Variants in PTPN3 observed in about 807,000 individuals in gnomAD.
PTPN3 encodes the protein tyrosine-protein phosphatase non-receptor type 3.
Under a neutral mutation model 132.7 loss-of-function variants are expected in PTPN3, and 96 were observed. The observed-to-expected ratio is 0.72, with a 90% CI of 0.61 to 0.86. The LOEUF is 0.86. Among genes scored for constraint, PTPN3 ranks in the 40% least tolerant of loss-of-function variants. The pLI is 0.00. For missense variants in PTPN3, 1,125 were observed against 1,159.6 expected (o/e 0.97, Z 0.43); for synonymous variants, 398 against 429.0 (o/e 0.93, Z 0.89).
chr9:109,464,900 ATAATG>A (rs1264235998), intron 1 of PTPN3, among the ~76,000 whole-genome samples: 1 of 152,216 alleles, frequency 6.6e-6, no homozygotes, highest in Non-Finnish European at 1.5e-5. Flanking sequence ...AGAAGAAAGG[ATAATG>A]GTTACCTTTG....
rs983784860 is a variant in PTPN3, at chr9:109,490,718, G to A, written c.-18+7501C>T. On this transcript the variant is annotated intron_variant, in intron 1 of 25. Transcript: ENST00000374541. ...TGAGCCACTGCACTCCAGCCTGGGC[G>A]ACAGAGCGAGACTCCATCTTGGAAC... 2.6e-5 allele frequency among the ~76,000 whole-genome samples: 4 copies of A among 152,204 alleles called. No individual in the cohort carries two copies. The East Asian group carries it at 5.8e-4, about 22-fold the overall frequency.
chr9:109,443,952 C>A (rs1166462319), intron 7 of PTPN3, among the ~76,000 whole-genome samples: 5 of 152,192 alleles, frequency 3.3e-5, no homozygotes, highest in Non-Finnish European at 7.4e-5. Context: ...GCCCAGCCAC[C>A]TTGCTCTTCA....
chr9:109,420,253 C>T (rs897635718), intron 14 of PTPN3, among the ~76,000 whole-genome samples, 171 bp downstream of exon 14: 2 of 152,106 alleles, frequency 1.3e-5, no homozygotes, highest in Admixed American at 6.5e-5. Context: ...GACCGTCTTC[C>T]GGGTGAAAAG....
Position 109,454,539 on chromosome 9 carries a change from A to G in PTPN3, c.325T>C (p.Phe109Leu). The G allele has an allele frequency of 1.2e-6, 2 of 1,613,702 alleles. No homozygotes were observed. The highest frequency in any genetic ancestry group is 8.5e-7 in the Non-Finnish European group (1 of 1,179,952). Residue 109 changes from phenylalanine (F) to leucine (L), a missense_variant, in exon 5 of 26, where the codon TTT becomes CTT. Transcript: ENST00000374541. Reference sequence around the variant, plus strand: ...AGTGTGTTGGGATCAGGTATAAAAAATCTTACTCGAAAATGCAGGGTACAG... The same window carrying G: ...AGTGTGTTGGGATCAGGTATAAAAAGTCTTACTCGAAAATGCAGGGTACAG... Reference protein sequence around the residue: ...FPCTLHFRVRFFIPDPNTLQQ... With the variant: ...FPCTLHFRVRLFIPDPNTLQQ...
chr9:109,385,593 C>A (rs992347990), intron 22 of PTPN3, among the ~76,000 whole-genome samples: 3 of 152,186 alleles, frequency 2.0e-5, no homozygotes, highest in Admixed American at 2.0e-4. Flanking sequence ...AATGTCTCAA[C>A]AGGCCTGTGA....
At chr9:109,438,680 T>C (rs1009955680) in intron 7 of PTPN3, among the ~76,000 whole-genome samples, 2 of 152,162 alleles carry the variant, frequency 1.3e-5, no homozygotes, top group African/African-American at 2.4e-5. Flanking sequence ...ACTGGACCAA[T>C]CTGCTCTAAA....
intron 10 of PTPN3, 136 bp from the exon 11 acceptor site, chr9:109,428,820 T>C: frequency 7.0e-7 from 1 of 1,432,762 alleles, no homozygotes; most frequent in Non-Finnish European, 9.1e-7. Flanking sequence ...TTTACTTCTC[T>C]GTAGAAATGA....
At chr9:109,422,638 T>C (rs1284750565) in intron 13 of PTPN3, 80 bp downstream of exon 13, 11 of 1,441,760 alleles carry the variant, frequency 7.6e-6, no homozygotes, top group South Asian at 1.4e-5. Context: ...TTTAGGAGTT[T>C]ATAAGTTGAG....
Position 109,427,246 on chromosome 9 carries a change from G to T in PTPN3, c.829-124C>A, listed in dbSNP as rs143105565. The T allele has an allele frequency of 4.1e-4, 430 of 1,041,644 alleles. No homozygotes were observed. The African/African-American group carries it at 6.2e-3, about 15-fold the overall frequency. 64.5% of individuals were successfully genotyped at this position (1,041,644 alleles called of 1,614,324 possible). ...GACAGCAGAAAACTGGTTTCAAAAT[G>T]CCGTGGCCACAAACCAGTGTACCGG... On this transcript the variant is annotated intron_variant, in intron 11 of 25. Coordinates refer to ENST00000374541, the MANE Select transcript of PTPN3 (RefSeq NM_002829.4).
At chr9:109,439,736 C>T (rs1844317894) in intron 7 of PTPN3, among the ~76,000 whole-genome samples, 1 of 152,070 alleles carries the variant, frequency 6.6e-6, no homozygotes, top group Non-Finnish European at 1.5e-5. Flanking sequence ...TGGTGAAACC[C>T]CATCTCTAGT....
the PTPN3 span, among the ~76,000 whole-genome samples, chr9:109,530,839 T>C: frequency 2.0e-4 from 30 of 152,274 alleles, no homozygotes; most frequent in African/African-American, 7.0e-4. Context: ...CAACTTTTCA[T>C]GTCCTTATTG....
chr9:109,457,129 C>T lies in PTPN3; in HGVS notation c.289+44G>A, dbSNP rs562686382. The T allele has an allele frequency of 6.7e-5, 107 of 1,591,576 alleles. 3 individuals carry two copies. In the South Asian group the frequency reaches 1.0e-3, roughly 15 times the overall value. On this transcript the variant is annotated intron_variant, in intron 4 of 25. Coordinates refer to ENST00000374541, the MANE Select transcript of PTPN3 (RefSeq NM_002829.4). The stretch of plus-strand genomic sequence containing the variant: ...TGGAGGGGAGAAACAGGCTGTGATA[C>T]ACTAACACCTAATGTTCGACTGAAA...
intron 2 of PTPN3, among the ~76,000 whole-genome samples, chr9:109,460,555 G>C (rs1226706056): frequency 3.3e-5 from 5 of 151,664 alleles, no homozygotes; most frequent in Non-Finnish European, 5.9e-5. Flanking sequence ...TTCCACTCCA[G>C]ACTCCACTGT....
chr9:109,452,380 A>C (rs1845316266), intron 5 of PTPN3, among the ~76,000 whole-genome samples: 1 of 151,696 alleles, frequency 6.6e-6, no homozygotes, highest in Admixed American at 6.6e-5. Context: ...TGTGTACTGT[A>C]TTCTGAAACA....
the PTPN3 span, among the ~76,000 whole-genome samples, chr9:109,521,036 T>A: frequency 6.6e-6 from 1 of 151,880 alleles, no homozygotes. Context: ...TGTAGGAGAG[T>A]GTGTGACATG....
chr9:109,447,290 G>T (rs1425913185), intron 6 of PTPN3, among the ~76,000 whole-genome samples: 1 of 152,152 alleles, frequency 6.6e-6, no homozygotes. Flanking sequence ...TCATAAAAAG[G>T]TGACTGCAAA....
At chr9:109,534,239 C>T in the PTPN3 span, 2 of 1,478,566 alleles carry the variant, frequency 1.4e-6, no homozygotes, top group Non-Finnish European at 1.9e-6. Flanking sequence ...GTGCCGCTGC[C>T]CGTAGTGCCG....
intron 2 of PTPN3, among the ~76,000 whole-genome samples, chr9:109,460,021 T>A (rs1011985430): frequency 2.0e-5 from 3 of 151,878 alleles, no homozygotes; most frequent in East Asian, 1.9e-4. Context: ...TCCCCTAACC[T>A]CCTGACTCTT....
rs1460752353 is a variant in PTPN3 at position 109,377,651 on chromosome 9, T to G, written c.*1905A>C. 2 of 152,128 alleles carry G rather than the reference T, an allele frequency of 1.3e-5. No homozygotes were observed. The highest frequency in any genetic ancestry group is 4.8e-5 in the African/African-American group (2 of 41,406). 9.4% of individuals were successfully genotyped at this position (152,128 alleles called of 1,614,324 possible). On this transcript the variant is annotated 3_prime_UTR_variant, in exon 26 of 26. Transcript: ENST00000374541. Reference sequence around the variant, plus strand: ...GTGGATTCTATTTTTGACTGATGTGTTTTTGGGCTAATCACTGATAACTAA... The same window carrying G: ...GTGGATTCTATTTTTGACTGATGTGGTTTTGGGCTAATCACTGATAACTAA...
Sources: gnomAD v4.1 joint callset for allele counts (sites outside exome capture counted in the v4.1 genomes callset) on GRCh38, gnomAD v4.1.1 for gene constraint, MANE v1.5 for transcripts, NCBI Gene and HGNC (gene_info 2026-07-23, HGNC 2026-07-21) for gene names.